The following DPP10 variants were observed in gnomAD, a reference collection of about 807,000 sequenced individuals.
The protein encoded by DPP10 is inactive dipeptidyl peptidase 10.
In DPP10, 33 loss-of-function variants were observed where a neutral mutation model predicts 120.9. The ratio of observed to expected loss-of-function variants is 0.27; its 90% confidence interval spans 0.21 to 0.37. DPP10 has a LOEUF of 0.37. DPP10 is among the 10% of genes least tolerant of loss of function. DPP10 has a pLI of 1.00. For missense variants in DPP10, 816 were observed against 942.8 expected, an observed-to-expected ratio of 0.87 and a Z score of 1.76; for synonymous variants, 337 against 326.1, an observed-to-expected ratio of 1.03 and a Z score of -0.36.
intron 4 of DPP10, among the ~76,000 whole-genome samples, 159 bp from the exon 5 acceptor site, chr2:115,525,739 G>A (rs953190650): frequency 6.6e-6 from 1 of 151,632 alleles, no homozygotes; most frequent in African/African-American, 2.4e-5. Context: ...ATATTCATCT[G>A]AATAATCATA....
At chr2:114,540,624 C>T (rs1314565788) in intron 1 of DPP10, among the ~76,000 whole-genome samples, 1 of 152,110 alleles carries the variant, frequency 6.6e-6, no homozygotes, top group Non-Finnish European at 1.5e-5. Flanking sequence ...TTTATTGCAG[C>T]CATCTCCTTA....
chr2:115,384,704 AAGAAAGAAG>A, intron 3 of DPP10, among the ~76,000 whole-genome samples: 1 of 130,246 alleles, frequency 7.7e-6, no homozygotes, highest in Non-Finnish European at 1.6e-5. Flanking sequence ...AAAAAGAAAG[AAGAAAGAAG>A]AAGAAGAAGA....
chr2:114,565,795 A>G (rs1689149410), intron 1 of DPP10, among the ~76,000 whole-genome samples: 1 of 152,174 alleles, frequency 6.6e-6, no homozygotes, highest in African/African-American at 2.4e-5. Context: ...GATTCCTTGT[A>G]TTTAAAGTGG....
intron 1 of DPP10, among the ~76,000 whole-genome samples, chr2:114,989,150 ATGT>A (rs1700607546): frequency 6.6e-6 from 1 of 152,058 alleles, no homozygotes; most frequent in Non-Finnish European, 1.5e-5. Flanking sequence ...GCTGCTTTAA[ATGT>A]TGTTTTCCTT....
At chr2:115,357,866 C>T (rs895805445) in intron 3 of DPP10, among the ~76,000 whole-genome samples, 1 of 152,278 alleles carries the variant, frequency 6.6e-6, no homozygotes, top group African/African-American at 2.4e-5. Context: ...TGGAAGCTTC[C>T]AAGGCTAGGG....
At chr2:115,337,193 C>T (rs572072845) in intron 2 of DPP10, among the ~76,000 whole-genome samples, 14 of 151,540 alleles carry the variant, frequency 9.2e-5, no homozygotes, top group African/African-American at 1.5e-4. Context: ...TGACATTTCT[C>T]TCTTTGAGAA....
chr2:115,196,716 C>T (rs1245287473), intron 1 of DPP10, among the ~76,000 whole-genome samples: 2 of 152,076 alleles, frequency 1.3e-5, no homozygotes, highest in African/African-American at 2.4e-5. Flanking sequence ...TGACCATGTT[C>T]TTTTGGAGAT....
At chr2:115,663,008 TAC>T (rs2089133357) in intron 5 of DPP10, among the ~76,000 whole-genome samples, 3 of 152,044 alleles carry the variant, frequency 2.0e-5, no homozygotes, top group African/African-American at 7.2e-5. Flanking sequence ...TATCTTTTTT[TAC>T]AATTTTTGTG....
intron 1 of DPP10, among the ~76,000 whole-genome samples, chr2:115,037,121 T>C (rs1390912628): frequency 6.6e-6 from 1 of 152,168 alleles, no homozygotes; most frequent in Non-Finnish European, 1.5e-5. Flanking sequence ...GAGCAGCATA[T>C]GGAGGGGTAT....
At chr2:115,063,899 T>A (rs1408765832) in intron 1 of DPP10, among the ~76,000 whole-genome samples, 1 of 152,042 alleles carries the variant, frequency 6.6e-6, no homozygotes, top group Non-Finnish European at 1.5e-5. Flanking sequence ...GTATATAAGG[T>A]TTTATGATTT....
chr2:114,754,341 C>T (rs755198995), intron 1 of DPP10, among the ~76,000 whole-genome samples: 20 of 152,284 alleles, frequency 1.3e-4, no homozygotes, highest in Non-Finnish European at 2.4e-4. Context: ...AAGGTCCCCA[C>T]GCTGTAGTCT....
chr2:114,801,272 A>G (rs1445914349), intron 1 of DPP10, among the ~76,000 whole-genome samples: 3 of 92,674 alleles, frequency 3.2e-5, no homozygotes, highest in African/African-American at 1.1e-4. Flanking sequence ...CAAAAAAAAA[A>G]AAAAAAAGAA....
chr2:115,202,863 T>C (rs145095710), intron 1 of DPP10, among the ~76,000 whole-genome samples: 164 of 152,300 alleles, frequency 1.1e-3, no homozygotes, highest in African/African-American at 3.8e-3. Flanking sequence ...AAATATTGTT[T>C]TCATCAAGGA....
At chr2:115,776,605 G>A (rs1682126318) in intron 13 of DPP10, among the ~76,000 whole-genome samples, 1 of 152,032 alleles carries the variant, frequency 6.6e-6, no homozygotes, top group Non-Finnish European at 1.5e-5. Flanking sequence ...TAGAATGATA[G>A]TATTTCTAAG....
At chr2:115,220,217 C>T (rs547374698) in intron 1 of DPP10, among the ~76,000 whole-genome samples, 1 of 152,172 alleles carries the variant, frequency 6.6e-6, no homozygotes, top group Non-Finnish European at 1.5e-5. Context: ...AATCATTATT[C>T]TGTATCACCT....
At chr2:115,778,190 G>T (rs1343803127) in intron 15 of DPP10, among the ~76,000 whole-genome samples, 2 of 151,954 alleles carry the variant, frequency 1.3e-5, no homozygotes, top group Non-Finnish European at 2.9e-5. Context: ...AATTTTCAGT[G>T]CATTAATGTG....
At chr2:114,692,467 T>C (rs1268352937) in intron 1 of DPP10, among the ~76,000 whole-genome samples, 1 of 152,058 alleles carries the variant, frequency 6.6e-6, no homozygotes, top group Non-Finnish European at 1.5e-5. Context: ...ATGATTTTAG[T>C]TCTTTTGCAT....
Position 115,020,808 on chromosome 2 carries a change from A to G in DPP10, c.61-288431A>G, listed in dbSNP as rs149603536. Among the ~76,000 whole-genome samples, 559 of 152,304 alleles carry G rather than the reference A, an allele frequency of 3.7e-3. 5 individuals are homozygous for G. Among genetic ancestry groups the G allele is most frequent in the East Asian group, 0.013 (70 of 5,192 alleles). ...CAGTAAATTTAAGAAAACTAAAATT[A>G]TATTAAGTATTCTCTGAGACCACAG... On this transcript the variant is annotated intron_variant, in intron 1 of 25. Transcript: ENST00000410059.
At chr2:114,576,647 GCAAA>G (rs376284705) in intron 1 of DPP10, among the ~76,000 whole-genome samples, 20 of 152,206 alleles carry the variant, frequency 1.3e-4, no homozygotes, top group African/African-American at 2.9e-4. Flanking sequence ...GGAGTGGCAA[GCAAA>G]CAAACAAACA....
Sources: gnomAD v4.1 joint callset for allele counts (sites outside exome capture counted in the v4.1 genomes callset) on GRCh38, gnomAD v4.1.1 for gene constraint, MANE v1.5 for transcripts, NCBI Gene and HGNC (gene_info 2026-07-23, HGNC 2026-07-21) for gene names.